The following IL37 variants were observed in gnomAD, a reference collection of about 807,000 sequenced individuals.
The protein encoded by IL37 is interleukin 37, also known as interleukin-37.
A neutral mutation model predicts 15.4 loss-of-function variants in IL37; 15 were observed. The observed-to-expected ratio is 0.98, with a 90% confidence interval of 0.65 to 1.50. The LOEUF is 1.50. Among genes scored for constraint, IL37 ranks in the 40% most tolerant of loss-of-function variants. IL37 has a pLI of 0.00. For missense variants in IL37, 269 were observed against 261.7 expected, an observed-to-expected ratio of 1.03 and a Z score of -0.19; for synonymous variants, 98 against 97.4, an observed-to-expected ratio of 1.01 and a Z score of -0.03.
At chr2:112,912,550 T>C (rs1327547392) in intron 1 of IL37, among the ~76,000 whole-genome samples, 2 of 152,192 alleles carry the variant, frequency 1.3e-5, no homozygotes, top group African/African-American at 4.8e-5. Context: ...ACCATGCTAT[T>C]GTAGCCTCGA....
chr2:112,917,155 A>G lies in IL37; in HGVS notation c.172A>G (p.Lys58Glu), dbSNP rs958219660. Residue 58 changes from lysine to glutamate, a missense_variant, in exon 4 of 6, where the codon AAG becomes GAG. Transcript: ENST00000263326. ...TSPKVKNLNP[K>E]KFSIHDQDHK... ...TCCAAAGGTGAAGAACTTAAACCCG[A>G]AGAAATTCAGCATTCATGACCAGGA... The G allele has an allele frequency of 6.2e-7, 1 of 1,614,018 alleles. No individual in the cohort carries two copies. The highest frequency in any genetic ancestry group is 1.3e-5 in the African/African-American group (1 of 74,936).
chr2:112,915,115 T>C (rs548500124), intron 3 of IL37: 7 of 1,377,660 alleles, frequency 5.1e-6, no homozygotes, highest in East Asian at 4.7e-5. Flanking sequence ...TTGAGAAAGA[T>C]TTGGGGTCAA....
chr2:112,912,850 C>T (rs1361767543), intron 1 of IL37, 113 bp from the exon 2 acceptor site: 18 of 496,072 alleles, frequency 3.6e-5, no homozygotes, highest in Non-Finnish European at 4.2e-5. Context: ...CTGGTTGCAG[C>T]GAGCATTTCA....
chr2:112,915,905 G>A (rs1683300336), intron 3 of IL37, among the ~76,000 whole-genome samples: 1 of 152,178 alleles, frequency 6.6e-6, no homozygotes, highest in African/African-American at 2.4e-5. Flanking sequence ...AGCCAAGGAT[G>A]CCAATACCTG....
Position 112,913,071 on chromosome 2 carries a change from A to G in IL37, c.59A>G (p.Asp20Gly). Residue 20 changes from aspartate (D) to glycine (G), a missense_variant, in exon 2 of 6, where the codon GAT (aspartate) becomes GGT (glycine). Physicochemically the swap from Asp to Gly is moderately conservative, Grantham distance 94. Coordinates refer to ENST00000263326, the MANE Select transcript of IL37 (RefSeq NM_014439.4). ...ATGGGCTCTGAGGACTGGGAAAAAGATGAACCCCAGTGCTGCTTAGAAGGT... is the reference window on the plus strand; with the variant it reads ...ATGGGCTCTGAGGACTGGGAAAAAGGTGAACCCCAGTGCTGCTTAGAAGGT... ...VKMGSEDWEK[D>G]EPQCCLEDPA... 6.4e-7 allele frequency: 1 copy of G among 1,570,878 alleles called. No individual in the cohort carries two copies. Among genetic ancestry groups the G allele is most frequent in the Non-Finnish European group, 8.6e-7 (1 of 1,163,790 alleles).
rs999111490 is a variant in IL37, at chr2:112,918,651, C to G, written c.499C>G (p.Leu167Val). The G allele has an allele frequency of 1.9e-6, 3 of 1,614,036 alleles. No individual in the cohort carries two copies. Among genetic ancestry groups the G allele is most frequent in the African/African-American group, 1.3e-5 (1 of 74,918 alleles). ...GGCTCAGGTGGGCTCCTGGAACATGCTGGAGTCGGCGGCTCACCCCGGATG... is the reference window on the plus strand; with the variant it reads ...GGCTCAGGTGGGCTCCTGGAACATGGTGGAGTCGGCGGCTCACCCCGGATG... ...YRAQVGSWNMLESAAHPGWFI... is the reference protein window; with the variant it reads ...YRAQVGSWNMVESAAHPGWFI... Residue 167 changes from leucine (L) to valine (V), a missense_variant, in exon 6 of 6, where the codon CTG becomes GTG. By Grantham distance (32) the Leu-to-Val change is conservative. Transcript: ENST00000263326.
intron 3 of IL37, chr2:112,915,134 A>G (rs1683274013): frequency 6.6e-7 from 1 of 1,510,800 alleles, no homozygotes; most frequent in Admixed American, 1.7e-5. Context: ...AAGGATCATG[A>G]GCGAGAACAC....
chr2:112,912,957 C>T lies in IL37; in HGVS notation c.-50-6C>T, dbSNP rs1683208455. Reference sequence around the variant, plus strand: ...GCCATAACTGGTCCCCTTTCTATCTCCTTAGGTCTTGGACTTCATTCCATT... The same window carrying T: ...GCCATAACTGGTCCCCTTTCTATCTTCTTAGGTCTTGGACTTCATTCCATT... On this transcript the variant is annotated splice_polypyrimidine_tract_variant and splice_region_variant and intron_variant, in intron 1 of 5. Coordinates refer to ENST00000263326, the MANE Select transcript of IL37 (RefSeq NM_014439.4). The T allele has an allele frequency of 7.5e-7, 1 of 1,336,956 alleles. No individual in the cohort carries two copies. Among genetic ancestry groups the T allele is most frequent in the Non-Finnish European group, 1.0e-6 (1 of 956,212 alleles). The allele number at this position is 1,336,956 out of a possible 1,614,324, so 82.8% of individuals were successfully genotyped here. A position where few individuals can be genotyped will look rare whatever the true frequency, so the allele number is the denominator to read the frequency against.
chr2:112,918,861 A>G lies in IL37; in HGVS notation c.*52A>G, dbSNP rs1271307469. ...CGCTAATTTGAACTAATTGTATAAA[A>G]ACACCAAACCTGCTCACTAAACTTT... is the stretch of plus-strand genomic sequence containing the variant. On this transcript the variant is annotated 3_prime_UTR_variant, in exon 6 of 6. Transcript: ENST00000263326. The G allele has an allele frequency of 1.9e-6, 3 of 1,560,350 alleles. No individual in the cohort carries two copies. Among genetic ancestry groups the G allele is most frequent in the Non-Finnish European group, 2.6e-6 (3 of 1,146,880 alleles).
At chr2:112,911,566 T>C (rs1683178933) in intron 1 of IL37, among the ~76,000 whole-genome samples, 1 of 152,196 alleles carries the variant, frequency 6.6e-6, no homozygotes, top group South Asian at 2.1e-4. Flanking sequence ...CTAGAAAATA[T>C]TGGTCCTTGG....
At chr2:112,913,519 T>TG (rs1248010129) in intron 2 of IL37, among the ~76,000 whole-genome samples, 1 of 152,116 alleles carries the variant, frequency 6.6e-6, no homozygotes, top group Non-Finnish European at 1.5e-5. Flanking sequence ...GTGTTGCCCA[T>TG]GGGGGACAAT....
chr2:112,915,517 C>A (rs547298101), intron 3 of IL37, among the ~76,000 whole-genome samples: 27 of 152,170 alleles, frequency 1.8e-4, no homozygotes, highest in Non-Finnish European at 3.8e-4. Flanking sequence ...AGGCTTGGCA[C>A]CACCCACACC....
chr2:112,912,591 A>G (rs1683201176), intron 1 of IL37, among the ~76,000 whole-genome samples: 1 of 152,232 alleles, frequency 6.6e-6, no homozygotes, highest in African/African-American at 2.4e-5. Context: ...AAACAAGAGC[A>G]TGGCTGTGTT....
At chr2:112,913,579 A>T (rs1316273868) in intron 2 of IL37, among the ~76,000 whole-genome samples, 3 of 152,150 alleles carry the variant, frequency 2.0e-5, no homozygotes, top group African/African-American at 4.8e-5. Context: ...GTGACGGGAG[A>T]GGCCTGTGAC....
chr2:112,918,240 A>T (rs761881959), intron 5 of IL37, among the ~76,000 whole-genome samples: 7 of 152,230 alleles, frequency 4.6e-5, no homozygotes, highest in Non-Finnish European at 7.3e-5. Context: ...GCTGAATTAG[A>T]TACAGATCTA....
Position 112,912,951 on chromosome 2 carries a change from C to T in IL37, c.-50-12C>T. The T allele has an allele frequency of 1.6e-6, 2 of 1,278,616 alleles. No individual in the cohort carries two copies. The highest frequency in any genetic ancestry group is 2.2e-6 in the Non-Finnish European group (2 of 908,770). The allele number at this position is 1,278,616 out of a possible 1,614,324, so 79.2% of individuals were successfully genotyped here. ...GAAGATGCCATAACTGGTCCCCTTTCTATCTCCTTAGGTCTTGGACTTCAT... is the reference window on the plus strand; with the variant it reads ...GAAGATGCCATAACTGGTCCCCTTTTTATCTCCTTAGGTCTTGGACTTCAT... On this transcript the variant is annotated splice_polypyrimidine_tract_variant and intron_variant, in intron 1 of 5. Coordinates refer to ENST00000263326, the MANE Select transcript of IL37 (RefSeq NM_014439.4).
At chr2:112,914,123 T>C (rs1244959064) in intron 3 of IL37, among the ~76,000 whole-genome samples, 3 of 152,088 alleles carry the variant, frequency 2.0e-5, no homozygotes, top group African/African-American at 7.2e-5. Flanking sequence ...TCCAGGTGCC[T>C]CTTCTGACCA....
chr2:112,918,725 TA>T lies in IL37; in HGVS notation c.576del (p.Lys192AsnfsTer20). 1 of 1,614,110 alleles carries T rather than the reference TA, an allele frequency of 6.2e-7. No homozygotes were observed. Among genetic ancestry groups the T allele is most frequent in the South Asian group, 1.1e-5 (1 of 91,072 alleles). On this transcript the variant is annotated frameshift_variant, in exon 6 of 6. Transcript: ENST00000263326. LOFTEE classifies it low-confidence loss of function (END_TRUNC). Reference protein sequence around the residue: ...NCNEPVGVTDKFENRKHIEFS... With the variant: ...NCNEPVGVTDXFENRKHIEFS... The stretch of plus-strand genomic sequence containing the variant: ...GTAATGAGCCTGTTGGGGTGACAGA[TA>T]AATTTGAGAACAGGAAACACATTGA...
intron 2 of IL37, 129 bp from the exon 3 acceptor site, chr2:112,913,663 T>C (rs1211706196): frequency 4.1e-6 from 3 of 726,684 alleles, no homozygotes; most frequent in Admixed American, 4.6e-5. Flanking sequence ...TGATTTAATG[T>C]CATTACTATC....
Sources: gnomAD v4.1 joint callset for allele counts (sites outside exome capture counted in the v4.1 genomes callset) on GRCh38, gnomAD v4.1.1 for gene constraint, MANE v1.5 for transcripts, NCBI Gene and HGNC (gene_info 2026-07-23, HGNC 2026-07-21) for gene names.